Variants in C11orf65 observed in about 807,000 individuals in gnomAD.
The protein encoded by C11orf65 is protein MFI.
Under a neutral mutation model 35.3 loss-of-function variants are expected in C11orf65, and 38 were observed. The ratio of observed to expected loss-of-function variants is 1.08; its 90% CI spans 0.83 to 1.41. C11orf65 has a LOEUF of 1.41. C11orf65 is among the 40% of genes most tolerant of loss of function. C11orf65 has a pLI of 0.00. For synonymous variants in C11orf65, 105 were observed against 114.4 expected, an observed-to-expected ratio of 0.92 and a Z score of 0.53; for missense variants, 370 against 367.1, an observed-to-expected ratio of 1.01 and a Z score of -0.06.
chr11:108,333,405 C>T (rs1395428070), intron 3 of C11orf65, among the ~76,000 whole-genome samples: 1 of 152,130 alleles, frequency 6.6e-6, no homozygotes, highest in African/African-American at 2.4e-5. Flanking sequence ...AAGTATGCTT[C>T]TAAGTATCTC....
chr11:108,309,745 C>T (rs1274833546), intron 6 of C11orf65, among the ~76,000 whole-genome samples: 1 of 152,076 alleles, frequency 6.6e-6, no homozygotes. Flanking sequence ...GTATTTGTGT[C>T]TTAGATGAAA....
chr11:108,447,058 G>A (rs2135582120), intron 2 of C11orf65, among the ~76,000 whole-genome samples: 1 of 152,130 alleles, frequency 6.6e-6, no homozygotes, highest in East Asian at 1.9e-4. Context: ...AATGATAAAG[G>A]GATCAATTCA....
rs2086383156 is a variant in C11orf65, at chr11:108,332,611, TTATG to T, written c.300-1048_300-1045del. On this transcript the variant is annotated intron_variant, in intron 3 of 3. Transcript: ENST00000524755. ...AGTATGTATCTTTGATGTATTTCAT[TTATG>T]ACTGTTTTGTTTGTATCTGAGGAAT... The T allele has an allele frequency of 4.8e-6, 4 of 841,324 alleles. No homozygotes were observed. In the Admixed American group the frequency reaches 7.7e-5, roughly 16 times the overall value. The allele number at this position is 841,324 out of a possible 1,614,324, so 52.1% of individuals were successfully genotyped here.
chr11:108,466,175 C>T (rs972898037), intron 1 of C11orf65, among the ~76,000 whole-genome samples: 3 of 152,000 alleles, frequency 2.0e-5, no homozygotes, highest in South Asian at 2.1e-4. Flanking sequence ...AGGGTGGGAC[C>T]GTTGCTGGCT....
intron 3 of C11orf65, chr11:108,335,075 G>C (rs2136662456): frequency 6.2e-7 from 1 of 1,614,070 alleles, no homozygotes. Context: ...GATTGTGTAG[G>C]TTCCGATGGC....
intron 3 of C11orf65, among the ~76,000 whole-genome samples, chr11:108,423,647 T>C (rs895925795): frequency 6.6e-6 from 1 of 152,064 alleles, no homozygotes; most frequent in Non-Finnish European, 1.5e-5. Context: ...GACAGACACC[T>C]CATATAGGAG....
chr11:108,437,645 G>A (rs1272725148), intron 2 of C11orf65, among the ~76,000 whole-genome samples: 1 of 139,860 alleles, frequency 7.2e-6, no homozygotes, highest in Non-Finnish European at 1.5e-5. Context: ...CAGAGGCAGA[G>A]GTTGCAGTGA....
chr11:108,393,967 G>A (rs1442343047), intron 6 of C11orf65, among the ~76,000 whole-genome samples: 3 of 152,104 alleles, frequency 2.0e-5, no homozygotes, highest in Non-Finnish European at 4.4e-5. Context: ...GGATCACGAA[G>A]TCAGGAGTTC....
At chr11:108,461,900 C>T (rs995026941) in intron 1 of C11orf65, among the ~76,000 whole-genome samples, 18 of 151,994 alleles carry the variant, frequency 1.2e-4, no homozygotes, top group African/African-American at 3.4e-4. Flanking sequence ...GGATTGTAAG[C>T]GTGAGCCACC....
At chr11:108,316,196 C>A in intron 6 of C11orf65, 1 of 1,235,946 alleles carries the variant, frequency 8.1e-7, no homozygotes, top group Non-Finnish European at 1.2e-6. Flanking sequence ...ATTTACACAG[C>A]CAGATAAACT....
downstream of C11orf65, among the ~76,000 whole-genome samples, chr11:108,382,389 G>A (rs1207973215): frequency 1.3e-5 from 2 of 152,046 alleles, no homozygotes; most frequent in African/African-American, 2.4e-5. Flanking sequence ...AATGATCTAG[G>A]AAGGAAAATG....
At chr11:108,410,746 T>C (rs1329094470) in intron 3 of C11orf65, among the ~76,000 whole-genome samples, 3 of 150,832 alleles carry the variant, frequency 2.0e-5, no homozygotes, top group Non-Finnish European at 4.4e-5. Flanking sequence ...TCTTGCTCTG[T>C]CGCTCAGTCT....
At chr11:108,384,277 C>T (rs951922287) in intron 8 of C11orf65, among the ~76,000 whole-genome samples, 2 of 152,054 alleles carry the variant, frequency 1.3e-5, no homozygotes, top group African/African-American at 4.8e-5. Context: ...GCAACTTGGG[C>T]TGAGTGGGTG....
intron 2 of C11orf65, among the ~76,000 whole-genome samples, chr11:108,340,566 C>T (rs1591230477): frequency 6.6e-6 from 1 of 152,200 alleles, no homozygotes; most frequent in Admixed American, 6.5e-5. Flanking sequence ...CCTGCTATTA[C>T]CACCCTACTT....
At chr11:108,381,922 C>T (rs59275973), downstream of C11orf65, among the ~76,000 whole-genome samples, 7 of 135,628 alleles carry the variant, frequency 5.2e-5, no homozygotes, top group Non-Finnish European at 9.7e-5. Flanking sequence ...AAAGGCATTG[C>T]GGCTTCCTCC....
intron 6 of C11orf65, chr11:108,309,139 G>A (rs1252526797): frequency 1.0e-5 from 9 of 888,422 alleles, no homozygotes; most frequent in Admixed American, 2.1e-5. Context: ...AGCTTGTGCT[G>A]TGTAAAAATT....
chr11:108,432,007 GTAGTAT>G (rs1236066873), intron 2 of C11orf65, among the ~76,000 whole-genome samples, 169 bp from the exon 3 acceptor site: 1 of 152,116 alleles, frequency 6.6e-6, no homozygotes, highest in Non-Finnish European at 1.5e-5. Flanking sequence ...GATAACCCTA[GTAGTAT>G]TAGTATAATT....
Position 108,373,814 on chromosome 11 carries a change from T to G in C11orf65, c.226+19394A>C, listed in dbSNP as rs900457241. Among the ~76,000 whole-genome samples the G allele has an allele frequency of 7.2e-5, 11 of 152,270 alleles. No homozygotes were observed. The South Asian group carries it at 2.3e-3, about 32-fold the overall frequency. ...GACGGCACCTGGAAAATCGGGCCAC[T>G]CCCACCCGAATACTGCGCTTTTCCG... On this transcript the variant is annotated intron_variant, in intron 2 of 3. Transcript: ENST00000524755.
intron 2 of C11orf65, among the ~76,000 whole-genome samples, chr11:108,373,746 G>A (rs2091636709): frequency 1.3e-5 from 2 of 152,266 alleles, no homozygotes; most frequent in African/African-American, 2.4e-5. Context: ...GGAAGCGCAA[G>A]GGGTCCGGGA....
Sources: gnomAD v4.1 joint callset for allele counts (sites outside exome capture counted in the v4.1 genomes callset) on GRCh38, gnomAD v4.1.1 for gene constraint, MANE v1.5 for transcripts, NCBI Gene and HGNC (gene_info 2026-07-23, HGNC 2026-07-21) for gene names.